The following FBXL17 variants were observed in gnomAD, a reference collection of about 807,000 sequenced individuals.
The protein encoded by FBXL17 is F-box and leucine rich repeat protein 17, also known as F-box/LRR-repeat protein 17.
In FBXL17, 22 loss-of-function variants were observed where a neutral mutation model predicts 66.2. The ratio of observed to expected loss-of-function variants is 0.33; its 90% CI spans 0.24 to 0.47. The LOEUF (loss-of-function observed/expected upper bound fraction) is 0.47. Ranked by LOEUF, FBXL17 falls within the 20% of genes least tolerant of loss-of-function variation. The probability of loss-of-function intolerance (pLI) is 1.00; values close to 1 mark genes in which losing one functional copy is unlikely to be tolerated. For missense variants in FBXL17, 878 were observed against 948.2 expected (o/e 0.93, Z 0.97); for synonymous variants, 474 against 400.5 (o/e 1.18, Z -2.19).
chr5:107,907,832 T>C (rs1431029003), intron 7 of FBXL17, among the ~76,000 whole-genome samples: 1 of 151,980 alleles, frequency 6.6e-6, no homozygotes. Context: ...TAGGAACACT[T>C]TTACACTGTT....
intron 6 of FBXL17, among the ~76,000 whole-genome samples, chr5:108,097,327 GTA>G (rs1561407966): frequency 6.6e-6 from 1 of 152,178 alleles, no homozygotes; most frequent in Non-Finnish European, 1.5e-5. Context: ...GTCTCAGGTA[GTA>G]TCTTTCTGGC....
intron 6 of FBXL17, among the ~76,000 whole-genome samples, chr5:108,045,375 G>A (rs911568792): frequency 6.6e-6 from 1 of 152,136 alleles, no homozygotes; most frequent in African/African-American, 2.4e-5. Flanking sequence ...CCAGGAGGCA[G>A]AGGTTTCAGT....
chr5:108,151,426 G>C (rs1751767948), intron 6 of FBXL17, among the ~76,000 whole-genome samples: 1 of 152,132 alleles, frequency 6.6e-6, no homozygotes. Flanking sequence ...TTACAAGGTT[G>C]TCTGTCACAT....
intron 7 of FBXL17, among the ~76,000 whole-genome samples, chr5:107,923,196 A>G (rs540737803): frequency 2.6e-5 from 4 of 152,316 alleles, no homozygotes; most frequent in Non-Finnish European, 5.9e-5. Flanking sequence ...GTACTGGGCC[A>G]TGGAAGGTGC....
At position 108,337,247 on chromosome 5, in the gene FBXL17, C is replaced by G. The variant is rs1225826310; in HGVS notation, c.1506+11152G>C. 5.4e-5 allele frequency among the ~76,000 whole-genome samples: 8 copies of G among 147,186 alleles called. No homozygotes were observed. The East Asian group carries it at 1.6e-3, about 29-fold the overall frequency. ...CTCCAGCCTGGGTGACAGAGTGAGACTCCATCTCAAAAAAAAAAAAAAAAG... is the reference window on the plus strand; with the variant it reads ...CTCCAGCCTGGGTGACAGAGTGAGAGTCCATCTCAAAAAAAAAAAAAAAAG... On this transcript the variant is annotated intron_variant, in intron 4 of 8. Transcript: ENST00000542267.
At chr5:107,963,534 T>C (rs1372813101) in intron 7 of FBXL17, among the ~76,000 whole-genome samples, 2 of 152,028 alleles carry the variant, frequency 1.3e-5, no homozygotes, top group African/African-American at 2.4e-5. Context: ...TAGTTAGGAG[T>C]TGTGTTTCTT....
chr5:108,344,148 A>C (rs1253489951), intron 4 of FBXL17, among the ~76,000 whole-genome samples: 1 of 151,036 alleles, frequency 6.6e-6, no homozygotes, highest in Non-Finnish European at 1.5e-5. Context: ...GTTTGCCTCC[A>C]TCTCCCCTTA....
At position 107,913,382 on chromosome 5, in the gene FBXL17, A is replaced by G. The variant is rs144210302; in HGVS notation, c.1823-32203T>C. Among the ~76,000 whole-genome samples, 1,076 of 152,244 alleles carry G rather than the reference A, an allele frequency of 7.1e-3. 11 individuals carry two copies. The highest frequency in any genetic ancestry group is 0.025 in the African/African-American group (1,027 of 41,552). ...GCAGAGGAGATGGGATGAGAGAAGT[A>G]TATGTGCAGATGGTCGGGTTAAGAG... is the stretch of plus-strand genomic sequence containing the variant. On this transcript the variant is annotated intron_variant, in intron 7 of 8. Coordinates refer to ENST00000542267, the MANE Select transcript of FBXL17 (RefSeq NM_001163315.3).
intron 5 of FBXL17, among the ~76,000 whole-genome samples, chr5:108,216,637 T>C (rs1489865518): frequency 6.6e-6 from 1 of 152,150 alleles, no homozygotes; most frequent in Admixed American, 6.5e-5. Context: ...AATATATGCC[T>C]TACCTCATAT....
chr5:107,870,671 C>T (rs181633340), intron 8 of FBXL17, among the ~76,000 whole-genome samples: 171 of 151,916 alleles, frequency 1.1e-3, no homozygotes, highest in Admixed American at 5.5e-3. Flanking sequence ...CTGCAACCTC[C>T]GCCTCCTGGG....
At chr5:108,373,273 A>T (rs1035183011) in intron 1 of FBXL17, among the ~76,000 whole-genome samples, 32 of 145,428 alleles carry the variant, frequency 2.2e-4, no homozygotes, top group African/African-American at 7.2e-4. Flanking sequence ...TATAATATAT[A>T]TCTAAATATA....
At chr5:107,908,043 C>A (rs1749822433) in intron 7 of FBXL17, among the ~76,000 whole-genome samples, 1 of 152,162 alleles carries the variant, frequency 6.6e-6, no homozygotes, top group African/African-American at 2.4e-5. Context: ...TTGGAACCAA[C>A]CGAAATGTCC....
chr5:108,008,119 G>A (rs558038568), intron 7 of FBXL17, among the ~76,000 whole-genome samples: 1 of 152,086 alleles, frequency 6.6e-6, no homozygotes, highest in Non-Finnish European at 1.5e-5. Flanking sequence ...CTAATAAATC[G>A]TACACTGGTA....
At chr5:107,972,686 A>G (rs1385639327) in intron 7 of FBXL17, among the ~76,000 whole-genome samples, 1 of 152,140 alleles carries the variant, frequency 6.6e-6, no homozygotes, top group African/African-American at 2.4e-5. Context: ...ACAGTTATTA[A>G]GTCACCGCTT....
intron 4 of FBXL17, among the ~76,000 whole-genome samples, chr5:108,270,326 T>C (rs1370472447): frequency 6.6e-6 from 1 of 151,920 alleles, no homozygotes; most frequent in East Asian, 1.9e-4. Flanking sequence ...TGAGAAAGGC[T>C]GTTTCCTCCA....
At chr5:107,994,352 C>T (rs1753380842) in intron 7 of FBXL17, among the ~76,000 whole-genome samples, 1 of 151,742 alleles carries the variant, frequency 6.6e-6, no homozygotes, top group African/African-American at 2.4e-5. Context: ...TGCTTTAAAT[C>T]AGAATAATTT....
At chr5:107,988,704 T>A (rs976314209) in intron 7 of FBXL17, among the ~76,000 whole-genome samples, 2 of 151,996 alleles carry the variant, frequency 1.3e-5, no homozygotes, top group Non-Finnish European at 2.9e-5. Context: ...AGGATGAAAT[T>A]CTTTTATTAT....
intron 6 of FBXL17, among the ~76,000 whole-genome samples, chr5:108,110,041 A>G (rs1749970257): frequency 6.6e-6 from 1 of 152,106 alleles, no homozygotes. Flanking sequence ...TTACAGGTAA[A>G]TAAGTGATTA....
chr5:108,299,654 TAAA>T, intron 4 of FBXL17: 1 of 736,890 alleles, frequency 1.4e-6, no homozygotes, highest in Non-Finnish European at 1.6e-6. Context: ...AAATTAAAAT[TAAA>T]AAAAAAAAAG....
Sources: gnomAD v4.1 joint callset for allele counts (sites outside exome capture counted in the v4.1 genomes callset) on GRCh38, gnomAD v4.1.1 for gene constraint, MANE v1.5 for transcripts, NCBI Gene and HGNC (gene_info 2026-07-23, HGNC 2026-07-21) for gene names.